The following TMEM196 variants were observed in gnomAD, a reference collection of about 807,000 sequenced individuals.
TMEM196 encodes the protein transmembrane protein 196.
Under a neutral mutation model 20.0 loss-of-function variants are expected in TMEM196, and 17 were observed. The ratio of observed to expected loss-of-function variants is 0.85; its 90% confidence interval spans 0.58 to 1.27. The LOEUF is 1.27. TMEM196 is among the 50% of genes most tolerant of loss of function. The pLI is 0.00. For missense variants in TMEM196, 267 were observed against 223.0 expected (o/e 1.20, Z -1.26); for synonymous variants, 113 against 88.9 (o/e 1.27, Z -1.52).
intron 1 of TMEM196, among the ~76,000 whole-genome samples, chr7:19,765,828 A>G: frequency 6.6e-6 from 1 of 152,296 alleles, no homozygotes; most frequent in Non-Finnish European, 1.5e-5. Context: ...AAATATCCTA[A>G]TTAAATCAAA....
Position 19,772,739 on chromosome 7 carries a change from A to C in TMEM196, c.-43T>G. The C allele has an allele frequency of 4.2e-6, 6 of 1,427,870 alleles. No individual in the cohort carries two copies. The highest frequency in any genetic ancestry group is 4.6e-6 in the Non-Finnish European group (5 of 1,075,662). The allele number at this position is 1,427,870 out of a possible 1,614,324, so 88.5% of individuals were successfully genotyped here. On this transcript the variant is annotated 5_prime_UTR_variant, in exon 1 of 5. Transcript: ENST00000405844. The stretch of plus-strand genomic sequence containing the variant: ...CCTTCCAGATCAGAGAGGGAAATCA[A>C]CCATCTACCTTTTTTTCTTCCACTA...
chr7:19,723,226 T>G (rs955287309), intron 4 of TMEM196, among the ~76,000 whole-genome samples: 1 of 152,130 alleles, frequency 6.6e-6, no homozygotes, highest in African/African-American at 2.4e-5. Context: ...TGAGGCTTCA[T>G]TGAGGAACTC....
At chr7:19,728,620 C>T (rs1311035924) in intron 2 of TMEM196, among the ~76,000 whole-genome samples, 2 of 152,128 alleles carry the variant, frequency 1.3e-5, no homozygotes, top group Non-Finnish European at 2.9e-5. Context: ...TCAAAGGGTA[C>T]TTCCTAGGGT....
At chr7:19,733,851 C>T (rs990524721) in intron 1 of TMEM196, among the ~76,000 whole-genome samples, 5 of 152,190 alleles carry the variant, frequency 3.3e-5, no homozygotes, top group African/African-American at 1.2e-4. Flanking sequence ...AAGCCCCACA[C>T]CTGAGATCAG....
chr7:19,771,083 A>G (rs1785856668), intron 1 of TMEM196, among the ~76,000 whole-genome samples: 1 of 152,174 alleles, frequency 6.6e-6, no homozygotes, highest in Admixed American at 6.5e-5. Flanking sequence ...GAAGTTTTAA[A>G]GCGTTATTTC....
At chr7:19,729,547 T>C in intron 1 of TMEM196, 109 bp from the exon 2 acceptor site, 1 of 990,110 alleles carries the variant, frequency 1.0e-6, no homozygotes, top group South Asian at 1.6e-5. Context: ...TAGAACATTT[T>C]AAATTTCCTT....
At chr7:19,735,089 A>T (rs1329357303) in intron 1 of TMEM196, among the ~76,000 whole-genome samples, 1 of 152,212 alleles carries the variant, frequency 6.6e-6, no homozygotes, top group Non-Finnish European at 1.5e-5. Flanking sequence ...TAACATTCTT[A>T]TATTACTTAA....
chr7:19,753,452 C>T (rs114061134), intron 1 of TMEM196, among the ~76,000 whole-genome samples: 1,993 of 152,134 alleles, frequency 0.013, 42 homozygotes, highest in African/African-American at 0.045. Context: ...GCAGAAAGTC[C>T]GACTTAATTG....
rs1300288031 is a variant in TMEM196, at chr7:19,721,970, C to T, written c.*158G>A. On this transcript the variant is annotated 3_prime_UTR_variant, in exon 5 of 5. Transcript: ENST00000405844. The stretch of plus-strand genomic sequence containing the variant: ...AGGAAGAATAATTTTAGTGGATGCT[C>T]AGGAGAGATAAATGCAAATGCAAAA... 1 of 930,556 alleles carries T rather than the reference C, an allele frequency of 1.1e-6. No individual in the cohort carries two copies. Among genetic ancestry groups the T allele is most frequent in the Non-Finnish European group, 1.7e-6 (1 of 599,824 alleles). The allele number at this position is 930,556 out of a possible 1,614,324, so 57.6% of individuals were successfully genotyped here. A position where few individuals can be genotyped will look rare whatever the true frequency, so the allele number is the denominator to read the frequency against.
At chr7:19,725,884 G>T in intron 2 of TMEM196, 116 bp from the exon 3 acceptor site, 2 of 1,281,942 alleles carry the variant, frequency 1.6e-6, no homozygotes, top group Non-Finnish European at 1.0e-6. Flanking sequence ...AAGAATAAGC[G>T]GTTTTGGTGC....
intron 1 of TMEM196, among the ~76,000 whole-genome samples, chr7:19,731,644 C>T (rs1382887534): frequency 6.6e-6 from 1 of 152,180 alleles, no homozygotes; most frequent in African/African-American, 2.4e-5. Context: ...GTAAACACTG[C>T]CATTATTCAT....
At chr7:19,733,239 C>A (rs1784276548) in intron 1 of TMEM196, among the ~76,000 whole-genome samples, 1 of 152,184 alleles carries the variant, frequency 6.6e-6, no homozygotes, top group Non-Finnish European at 1.5e-5. Context: ...CAGTATTTTA[C>A]ACTTTGAGTG....
intron 1 of TMEM196, among the ~76,000 whole-genome samples, chr7:19,757,503 A>G (rs1390870893): frequency 6.6e-6 from 1 of 151,894 alleles, no homozygotes; most frequent in Non-Finnish European, 1.5e-5. Context: ...TGGCCTCCCA[A>G]GTGCTGGGAT....
intron 1 of TMEM196, among the ~76,000 whole-genome samples, chr7:19,752,105 T>G (rs1341412488): frequency 2.0e-5 from 3 of 152,202 alleles, no homozygotes; most frequent in African/African-American, 7.2e-5. Context: ...GTGTCGATGC[T>G]CCAAGAAACT....
chr7:19,751,035 T>C (rs1184385815), intron 1 of TMEM196, among the ~76,000 whole-genome samples: 1 of 152,172 alleles, frequency 6.6e-6, no homozygotes, highest in African/African-American at 2.4e-5. Flanking sequence ...ATAAAGGATG[T>C]CATGATTATT....
At chr7:19,729,620 T>C (rs538414881) in intron 1 of TMEM196, among the ~76,000 whole-genome samples, 182 bp from the exon 2 acceptor site, 1 of 152,318 alleles carries the variant, frequency 6.6e-6, no homozygotes, top group East Asian at 1.9e-4. Context: ...TAAACCCTAA[T>C]AAAAATTTAT....
chr7:19,765,865 A>G (rs1207146724), intron 1 of TMEM196, among the ~76,000 whole-genome samples: 1 of 152,168 alleles, frequency 6.6e-6, no homozygotes, highest in Non-Finnish European at 1.5e-5. Context: ...ACCATTCAGG[A>G]ACAACGAAAA....
At chr7:19,768,836 A>T (rs940243705) in intron 1 of TMEM196, among the ~76,000 whole-genome samples, 1 of 152,176 alleles carries the variant, frequency 6.6e-6, no homozygotes, top group Admixed American at 6.5e-5. Context: ...ATCAGATGAA[A>T]TAGTGCCTGG....
At chr7:19,767,704 G>A (rs1228810964) in intron 1 of TMEM196, among the ~76,000 whole-genome samples, 18 of 151,884 alleles carry the variant, frequency 1.2e-4, no homozygotes, top group Admixed American at 1.2e-3. Flanking sequence ...ATTTTTTGGG[G>A]GGATAGGAGC....
Sources: gnomAD v4.1 joint callset for allele counts (sites outside exome capture counted in the v4.1 genomes callset) on GRCh38, gnomAD v4.1.1 for gene constraint, MANE v1.5 for transcripts, NCBI Gene and HGNC (gene_info 2026-07-23, HGNC 2026-07-21) for gene names.